Variants in FAM91A1 observed in about 807,000 individuals in gnomAD.
FAM91A1 encodes the protein family with sequence similarity 91 member A1.
FAM91A1 carries 41 observed loss-of-function variants against 113.5 expected under a neutral mutation model. The ratio of observed to expected loss-of-function variants is 0.36; its 90% CI spans 0.28 to 0.47. The LOEUF is 0.47. FAM91A1 is among the 20% of genes least tolerant of loss of function. The pLI, the probability that FAM91A1 is intolerant of heterozygous loss-of-function variation, is 1.00. For missense variants in FAM91A1, 696 were observed against 1,001.2 expected (o/e 0.70, Z 4.11); for synonymous variants, 307 against 347.9 (o/e 0.88, Z 1.31).
intron 19 of FAM91A1, 72 bp downstream of exon 19, chr8:123,805,411 A>G: frequency 8.3e-7 from 1 of 1,206,302 alleles, no homozygotes; most frequent in Non-Finnish European, 1.2e-6. Flanking sequence ...TTTGGTGGAA[A>G]ACATGGCAGG....
chr8:123,809,163 G>T, intron 22 of FAM91A1, 147 bp downstream of exon 22: 2 of 1,231,322 alleles, frequency 1.6e-6, no homozygotes, highest in Non-Finnish European at 2.1e-6. Context: ...TAGTTTAAGG[G>T]TTTTGCTGTA....
intron 4 of FAM91A1, among the ~76,000 whole-genome samples, chr8:123,777,742 G>A (rs1253022302): frequency 6.6e-6 from 1 of 152,184 alleles, no homozygotes; most frequent in African/African-American, 2.4e-5. Context: ...TAATTCTGTT[G>A]TTTAAGAAGC....
At chr8:123,796,835 G>A (rs1815533201) in intron 15 of FAM91A1, among the ~76,000 whole-genome samples, 8 of 151,068 alleles carry the variant, frequency 5.3e-5, no homozygotes, top group Admixed American at 1.3e-4. Context: ...AGGCCGAGGT[G>A]GGCAGATAAC....
intron 22 of FAM91A1, 129 bp downstream of exon 22, chr8:123,809,145 G>C (rs1259730574): frequency 7.7e-7 from 1 of 1,295,756 alleles, no homozygotes; most frequent in Non-Finnish European, 1.0e-6. Flanking sequence ...TGATTGAATA[G>C]AGATCGCTAG....
chr8:123,786,213 A>T (rs1815254206), intron 11 of FAM91A1: 1 of 356,026 alleles, frequency 2.8e-6, no homozygotes, highest in Non-Finnish European at 5.2e-6. Flanking sequence ...TTTTTGGAAT[A>T]TAATGAAAAC....
At position 123,785,081 on chromosome 8, in the gene FAM91A1, C is replaced by T. The variant is rs1815219804; in HGVS notation, c.811C>T (p.Leu271Phe). The change falls in exon 10 of 24, where the codon CTT becomes TTT. Residue 271 changes from leucine (L) to phenylalanine (F), a missense_variant and splice_region_variant. By Grantham distance (22) the Leu-to-Phe change is conservative. Coordinates refer to ENST00000334705, the MANE Select transcript of FAM91A1 (RefSeq NM_144963.4). ...SIDEHTNVAE[L>F]ANVLEIDLSL... Reference sequence around the variant, plus strand: ...AATAAATTTTAATTTTATCTTCTAGCTTGCAAATGTCCTTGAGATTGACTT... The same window carrying T: ...AATAAATTTTAATTTTATCTTCTAGTTTGCAAATGTCCTTGAGATTGACTT... The T allele has an allele frequency of 6.3e-7, 1 of 1,583,416 alleles. No individual in the cohort carries two copies. The highest frequency in any genetic ancestry group is 8.6e-7 in the Non-Finnish European group (1 of 1,166,670).
intron 17 of FAM91A1, 28 bp from the exon 18 acceptor site, chr8:123,799,744 A>G (rs1815629390): frequency 6.2e-7 from 1 of 1,606,010 alleles, no homozygotes. Flanking sequence ...TCTGAATGCC[A>G]TTTTACCTGT....
chr8:123,788,230 T>A (rs1468688173), intron 14 of FAM91A1: 1 of 985,406 alleles, frequency 1.0e-6, no homozygotes. Flanking sequence ...ATATTTGCTC[T>A]TAACCACCTT....
intron 13 of FAM91A1, 56 bp from the exon 14 acceptor site, chr8:123,787,606 GTA>G (rs2130093799): frequency 7.5e-7 from 1 of 1,340,484 alleles, no homozygotes; most frequent in African/African-American, 1.5e-5. Context: ...ATATTTGATA[GTA>G]TGCTTAGCAT....
chr8:123,812,621 T>G lies in FAM91A1; in HGVS notation c.2434T>G (p.Leu812Val), dbSNP rs550771142. 4 of 1,612,450 alleles carry G rather than the reference T, an allele frequency of 2.5e-6. No individual in the cohort carries two copies. The highest frequency in any genetic ancestry group is 2.2e-5 in the East Asian group (1 of 44,762). ...DMGVPLPAKN[L>V]IFKDGVLSEW... is the part of the protein sequence containing the mutation. ...GGGTGTTCCACTTCCTGCAAAAAAC[T>G]TAATATTTAAAGATGGTGTCTTATC... The change falls in exon 24 of 24, where the codon TTA becomes GTA. Residue 812 changes from leucine to valine, a missense_variant. Transcript: ENST00000334705.
rs1815257971 is a variant in FAM91A1 at position 123,786,383 on chromosome 8, T to C, written c.963-112T>C. On this transcript the variant is annotated intron_variant, in intron 11 of 23. Transcript: ENST00000334705. Reference sequence around the variant, plus strand: ...TGCGACTTAATTTTGGGCTTGAATATAAGACTGAATTTTGATGGATTGTTC... The same window carrying C: ...TGCGACTTAATTTTGGGCTTGAATACAAGACTGAATTTTGATGGATTGTTC... The C allele has an allele frequency of 8.6e-6, 7 of 810,504 alleles. No individual in the cohort carries two copies. In the South Asian group the frequency reaches 1.2e-4, roughly 14 times the overall value. The allele number at this position is 810,504 out of a possible 1,614,324, so 50.2% of individuals were successfully genotyped here. A position where few individuals can be genotyped will look rare whatever the true frequency, so the allele number is the denominator to read the frequency against.
intron 15 of FAM91A1, among the ~76,000 whole-genome samples, chr8:123,797,567 TTTC>T (rs1815559180): frequency 6.6e-6 from 1 of 152,236 alleles, no homozygotes; most frequent in African/African-American, 2.4e-5. Context: ...TAATATATTT[TTTC>T]TTCCTTATGA....
At chr8:123,799,360 G>A (rs1815619839) in intron 16 of FAM91A1, among the ~76,000 whole-genome samples, 160 bp from the exon 17 acceptor site, 1 of 152,146 alleles carries the variant, frequency 6.6e-6, no homozygotes, top group South Asian at 2.1e-4. Flanking sequence ...CTTAATTCCA[G>A]TATAAAATTG....
intron 12 of FAM91A1, among the ~76,000 whole-genome samples, chr8:123,786,881 G>A (rs1054536231): frequency 6.6e-6 from 1 of 152,210 alleles, no homozygotes; most frequent in Non-Finnish European, 1.5e-5. Context: ...TATAATGCTT[G>A]TAGGGTGCAA....
At chr8:123,792,429 C>T (rs7828192) in intron 15 of FAM91A1, among the ~76,000 whole-genome samples, 56,077 of 151,934 alleles carry the variant, frequency 0.37, 13,456 homozygotes, top group African/African-American at 0.68. Context: ...AAAAGTCATG[C>T]GTGGTCTGTT....
chr8:123,792,758 CTT>C (rs1304645210), intron 15 of FAM91A1, among the ~76,000 whole-genome samples: 1 of 152,162 alleles, frequency 6.6e-6, no homozygotes, highest in Non-Finnish European at 1.5e-5. Context: ...TCCCTTCACT[CTT>C]TTGTGTTTTG....
At chr8:123,784,148 G>A (rs982906384) in intron 8 of FAM91A1, among the ~76,000 whole-genome samples, 2 of 152,116 alleles carry the variant, frequency 1.3e-5, no homozygotes, top group East Asian at 3.9e-4. Flanking sequence ...CCCTTTGCAG[G>A]CTCCCCCATT....
intron 15 of FAM91A1, among the ~76,000 whole-genome samples, chr8:123,793,291 A>C (rs553891482): frequency 1.3e-5 from 2 of 152,252 alleles, no homozygotes; most frequent in African/African-American, 4.8e-5. Flanking sequence ...GACCATGCAG[A>C]TATCCCACTC....
rs529434572 is a variant in FAM91A1 at position 123,814,974 on chromosome 8, T to C, written c.*2270T>C. 6 of 152,716 alleles carry C rather than the reference T, an allele frequency of 3.9e-5. No individual in the cohort carries two copies. The highest frequency in any genetic ancestry group is 8.8e-5 in the Non-Finnish European group (6 of 68,018). The allele number at this position is 152,716 out of a possible 1,614,324, so 9.5% of individuals were successfully genotyped here. A position where few individuals can be genotyped will look rare whatever the true frequency, so the allele number is the denominator to read the frequency against. On this transcript the variant is annotated 3_prime_UTR_variant, in exon 24 of 24. Coordinates refer to ENST00000334705, the MANE Select transcript of FAM91A1 (RefSeq NM_144963.4). ...TTTACCATGTTCCTTCCTTTCTTTT[T>C]CCCGCTTCCTTAATGTAATTTAAAC...
Sources: allele counts gnomAD v4.1 joint callset (sites outside exome capture counted in the v4.1 genomes callset), GRCh38; gene constraint gnomAD v4.1.1; transcripts MANE v1.5; gene names NCBI Gene and HGNC (gene_info 2026-07-23, HGNC 2026-07-21).